FAM193A: variants seen among roughly 807,000 people sequenced by gnomAD.
The protein encoded by FAM193A is family with sequence similarity 193 member A.
In FAM193A, 22 loss-of-function variants were observed where a neutral mutation model predicts 126.5. The ratio of observed to expected loss-of-function variants is 0.17; its 90% CI spans 0.12 to 0.25. FAM193A has a LOEUF of 0.25. Ranked by LOEUF, FAM193A falls within the 10% of genes least tolerant of loss-of-function variation. The pLI, the probability that FAM193A is intolerant of heterozygous loss-of-function variation, is 1.00. For missense variants in FAM193A, 1,675 were observed against 1,672.8 expected (o/e 1.00, Z -0.02); for synonymous variants, 761 against 646.8 (o/e 1.18, Z -2.68).
intron 1 of FAM193A, among the ~76,000 whole-genome samples, chr4:2,564,912 C>T (rs546606779): frequency 6.6e-6 from 1 of 152,122 alleles, no homozygotes; most frequent in Admixed American, 6.6e-5. Flanking sequence ...CTCAAGAGAT[C>T]ATCCTGCCCC....
At chr4:2,561,757 A>G (rs1472285693) in intron 1 of FAM193A, among the ~76,000 whole-genome samples, 2 of 152,088 alleles carry the variant, frequency 1.3e-5, no homozygotes, top group African/African-American at 2.4e-5. Flanking sequence ...TCGGCCTCCC[A>G]AAGTGCTGGG....
chr4:2,575,843 G>A (rs1279813223), intron 1 of FAM193A, among the ~76,000 whole-genome samples: 1 of 152,086 alleles, frequency 6.6e-6, no homozygotes, highest in African/African-American at 2.4e-5. Context: ...ATAAAGATGG[G>A]CCCTCTGCTC....
intron 7 of FAM193A, 90 bp downstream of exon 7, chr4:2,646,922 T>C: frequency 1.5e-6 from 2 of 1,373,546 alleles, no homozygotes; most frequent in East Asian, 2.6e-5. Context: ...TGTCCTGAGC[T>C]GCAAGCCAGG....
At chr4:2,575,216 C>A (rs946992891) in intron 1 of FAM193A, among the ~76,000 whole-genome samples, 5 of 152,134 alleles carry the variant, frequency 3.3e-5, no homozygotes, top group African/African-American at 1.2e-4. Context: ...TAGATCAGGT[C>A]AGGTGACGAG....
At chr4:2,729,412 C>T (rs1409334906) in intron 20 of FAM193A, among the ~76,000 whole-genome samples, 4 of 152,184 alleles carry the variant, frequency 2.6e-5, no homozygotes, top group Non-Finnish European at 5.9e-5. Context: ...TGAAGTATGC[C>T]AACACCTAGA....
intron 7 of FAM193A, among the ~76,000 whole-genome samples, chr4:2,650,118 A>C (rs79816745): frequency 0.032 from 4,859 of 152,296 alleles, 242 homozygotes; most frequent in African/African-American, 0.11. Context: ...CATTGTGGTG[A>C]GTTGTATAAT....
intron 1 of FAM193A, 65 bp from the exon 2 acceptor site, chr4:2,596,019 A>G: frequency 4.7e-6 from 3 of 643,662 alleles, no homozygotes; most frequent in Non-Finnish European, 8.4e-6. Context: ...AACTATACAT[A>G]TATTTTAATA....
chr4:2,574,815 G>T (rs1388420946), intron 1 of FAM193A, among the ~76,000 whole-genome samples: 1 of 152,086 alleles, frequency 6.6e-6, no homozygotes, highest in Non-Finnish European at 1.5e-5. Context: ...TATCTTTTTA[G>T]TGTTTCTTCA....
intron 19 of FAM193A, among the ~76,000 whole-genome samples, 193 bp from the exon 20 acceptor site, chr4:2,715,829 GT>G (rs2109371222): frequency 6.6e-6 from 1 of 152,346 alleles, no homozygotes; most frequent in African/African-American, 2.4e-5. Flanking sequence ...GGACATGTGA[GT>G]TCTGCAGTTT....
chr4:2,661,266 C>T (rs1577158054), intron 10 of FAM193A, among the ~76,000 whole-genome samples: 1 of 152,200 alleles, frequency 6.6e-6, no homozygotes, highest in Non-Finnish European at 1.5e-5. Flanking sequence ...ATTTGAAAAT[C>T]TCCAGTGTTA....
At chr4:2,676,936 G>A (rs905925100) in intron 13 of FAM193A, among the ~76,000 whole-genome samples, 1 of 151,178 alleles carries the variant, frequency 6.6e-6, no homozygotes, top group African/African-American at 2.4e-5. Flanking sequence ...GCAAGATTCC[G>A]TCTCAAAAAA....
At chr4:2,541,493 T>A (rs1401956102) in intron 1 of FAM193A, among the ~76,000 whole-genome samples, 10 of 150,026 alleles carry the variant, frequency 6.7e-5, no homozygotes, top group Non-Finnish European at 3.0e-5. Context: ...GTCACCAGGC[T>A]GGAGAGCAGT....
At chr4:2,712,915 C>G (rs1719136955) in intron 19 of FAM193A, among the ~76,000 whole-genome samples, 4 of 151,704 alleles carry the variant, frequency 2.6e-5, no homozygotes, top group Admixed American at 2.6e-4. Flanking sequence ...CCAGCCTGGC[C>G]AAGATGGTGA....
At chr4:2,536,375 C>T (rs1250152567), upstream of FAM193A, among the ~76,000 whole-genome samples, 2 of 151,878 alleles carry the variant, frequency 1.3e-5, no homozygotes, top group Admixed American at 6.6e-5. Flanking sequence ...TCCCTGGCCC[C>T]AGCTCCTCCC....
At chr4:2,652,641 G>C (rs1011585556) in intron 7 of FAM193A, among the ~76,000 whole-genome samples, 1 of 152,042 alleles carries the variant, frequency 6.6e-6, no homozygotes, top group Non-Finnish European at 1.5e-5. Flanking sequence ...CAGCACCTTC[G>C]GGGAAATCTG....
chr4:2,692,748 AT>A (rs1414415180), intron 15 of FAM193A, among the ~76,000 whole-genome samples: 1 of 151,230 alleles, frequency 6.6e-6, no homozygotes, highest in Non-Finnish European at 1.5e-5. Flanking sequence ...TGTGAAGGAA[AT>A]TGGAAAATGG....
upstream of FAM193A, among the ~76,000 whole-genome samples, chr4:2,535,807 G>C (rs1736842805): frequency 1.3e-5 from 2 of 152,312 alleles, no homozygotes; most frequent in South Asian, 4.1e-4. Context: ...AGGGCTTAAC[G>C]GGATAGCAGG....
At chr4:2,624,239 C>A (rs1319399477) in intron 2 of FAM193A, among the ~76,000 whole-genome samples, 2 of 151,876 alleles carry the variant, frequency 1.3e-5, no homozygotes, top group Non-Finnish European at 2.9e-5. Context: ...TGCGGTGGCG[C>A]GATCTCGGCT....
chr4:2,542,897 G>A (rs530788653), intron 1 of FAM193A, among the ~76,000 whole-genome samples: 1 of 152,284 alleles, frequency 6.6e-6, no homozygotes, highest in African/African-American at 2.4e-5. Context: ...TGGCTGCTGA[G>A]CCAAAGAGGG....
Sources: allele counts gnomAD v4.1 joint callset (sites outside exome capture counted in the v4.1 genomes callset), GRCh38; gene constraint gnomAD v4.1.1; transcripts MANE v1.5; gene names NCBI Gene and HGNC (gene_info 2026-07-23, HGNC 2026-07-21).